Variants in BAZ2B observed in about 807,000 individuals in gnomAD.
BAZ2B encodes bromodomain adjacent to zinc finger domain 2B.
A neutral mutation model predicts 246.0 loss-of-function variants in BAZ2B; 91 were observed. The observed-to-expected ratio is 0.37, with a 90% CI of 0.31 to 0.44. The LOEUF (loss-of-function observed/expected upper bound fraction) is 0.44, where lower values mean the gene tolerates loss of function less well. Among genes scored for constraint, BAZ2B ranks in the 20% least tolerant of loss-of-function variants. The pLI, the probability that BAZ2B is intolerant of heterozygous loss-of-function variation, is 1.00. For synonymous variants in BAZ2B, 855 were observed against 860.0 expected (o/e 0.99, Z 0.10); for missense variants, 2,332 against 2,533.7 (o/e 0.92, Z 1.71).
the BAZ2B span, among the ~76,000 whole-genome samples, chr2:159,629,472 C>T: frequency 3.9e-5 from 6 of 152,258 alleles, no homozygotes; most frequent in Admixed American, 2.0e-4. Flanking sequence ...GGCACATATA[C>T]AACATGGAAT....
At chr2:159,686,809 A>G in the BAZ2B span, among the ~76,000 whole-genome samples, 306 of 152,182 alleles carry the variant, frequency 2.0e-3, no homozygotes, top group Non-Finnish European at 2.6e-3. Context: ...TTGGGAGGCC[A>G]AGGCGGACGG....
At chr2:159,488,516 A>T (rs1010844611) in intron 2 of BAZ2B, among the ~76,000 whole-genome samples, 1 of 152,202 alleles carries the variant, frequency 6.6e-6, no homozygotes, top group Non-Finnish European at 1.5e-5. Flanking sequence ...TACCCACAAC[A>T]TTTGAAAATA....
intron 14 of BAZ2B, among the ~76,000 whole-genome samples, chr2:159,405,368 C>T (rs920719675): frequency 6.6e-6 from 1 of 152,104 alleles, no homozygotes; most frequent in Non-Finnish European, 1.5e-5. Context: ...TGCGCCACCA[C>T]ACCCAGCTAA....
intron 1 of BAZ2B, among the ~76,000 whole-genome samples, chr2:159,565,774 T>C (rs1423230353): frequency 1.4e-5 from 1 of 70,122 alleles, no homozygotes; most frequent in African/African-American, 4.7e-5. Flanking sequence ...GAGACTCCCA[T>C]CTCAAAAAAA....
Position 159,324,647 on chromosome 2 carries a change from C to T in BAZ2B, c.6353+164G>A, listed in dbSNP as rs1049637619. Among the ~76,000 whole-genome samples the T allele has an allele frequency of 1.1e-3, 28 of 26,046 alleles. No individual in the cohort carries two copies. The highest frequency in any genetic ancestry group is 0.016 in the Middle Eastern group (1 of 64). 17.1% of individuals were successfully genotyped at this position (26,046 alleles called of 152,430 possible). A position where few individuals can be genotyped will look rare whatever the true frequency, so the allele number is the denominator to read the frequency against. Reference sequence around the variant, plus strand: ...AAATACACACACACACACACACACACACACACACACACACACACACACACA... The same window carrying T: ...AAATACACACACACACACACACACATACACACACACACACACACACACACA... On this transcript the variant is annotated intron_variant, in intron 36 of 36. Coordinates refer to ENST00000392783, the MANE Select transcript of BAZ2B (RefSeq NM_013450.4).
At chr2:159,430,814 G>A (rs760221649) in intron 10 of BAZ2B, 49 bp downstream of exon 10, 43 of 1,555,902 alleles carry the variant, frequency 2.8e-5, no homozygotes, top group Non-Finnish European at 3.5e-5. Flanking sequence ...AAAAATTCTT[G>A]CTATGGTTTG....
At chr2:159,711,252 C>T in the BAZ2B span, among the ~76,000 whole-genome samples, 1 of 152,164 alleles carries the variant, frequency 6.6e-6, no homozygotes, top group East Asian at 1.9e-4. Context: ...TTAATTTCCT[C>T]AAAAGTAATC....
chr2:159,564,948 G>A (rs1343115089), intron 1 of BAZ2B, among the ~76,000 whole-genome samples: 1 of 152,176 alleles, frequency 6.6e-6, no homozygotes, highest in African/African-American at 2.4e-5. Flanking sequence ...TTGGCTCACT[G>A]CAACCTTCAC....
intron 30 of BAZ2B, 132 bp from the exon 31 acceptor site, chr2:159,347,778 T>C: frequency 4.3e-6 from 3 of 705,458 alleles, no homozygotes; most frequent in Non-Finnish European, 6.9e-6. Context: ...TGCACTTGTG[T>C]ATGTACAGGC....
At chr2:159,442,780 T>G (rs1028217712) in intron 6 of BAZ2B, among the ~76,000 whole-genome samples, 3 of 152,202 alleles carry the variant, frequency 2.0e-5, no homozygotes, top group Non-Finnish European at 4.4e-5. Context: ...TGCATCTGGT[T>G]TACTTCACTT....
chr2:159,418,759 T>A (rs2150018752), intron 13 of BAZ2B, among the ~76,000 whole-genome samples: 1 of 152,316 alleles, frequency 6.6e-6, no homozygotes, highest in East Asian at 1.9e-4. Context: ...CACATGGATT[T>A]ACAGTCCTGT....
At chr2:159,658,956 A>G in the BAZ2B span, among the ~76,000 whole-genome samples, 2 of 152,152 alleles carry the variant, frequency 1.3e-5, no homozygotes, top group African/African-American at 4.8e-5. Context: ...GGCTGGCCTT[A>G]GCTGAAGATT....
At chr2:159,704,843 C>T in the BAZ2B span, among the ~76,000 whole-genome samples, 46 of 152,218 alleles carry the variant, frequency 3.0e-4, no homozygotes, top group African/African-American at 1.0e-3. Context: ...GCTGGGACTA[C>T]AGGTGCCCAC....
chr2:159,601,864 T>C (rs965151801), intron 1 of BAZ2B, among the ~76,000 whole-genome samples: 9 of 152,352 alleles, frequency 5.9e-5, no homozygotes, highest in African/African-American at 2.2e-4. Context: ...TGCCCAATGT[T>C]ACCAATACAT....
intron 2 of BAZ2B, among the ~76,000 whole-genome samples, chr2:159,529,530 T>G (rs1476220463): frequency 6.6e-6 from 1 of 152,148 alleles, no homozygotes; most frequent in Non-Finnish European, 1.5e-5. Flanking sequence ...CCTCACTTCC[T>G]TAAGATCTCT....
chr2:159,541,523 C>A (rs1006327582), intron 2 of BAZ2B, among the ~76,000 whole-genome samples: 1 of 152,098 alleles, frequency 6.6e-6, no homozygotes, highest in Non-Finnish European at 1.5e-5. Flanking sequence ...AGGCGATCTG[C>A]CCACCTCAGC....
intron 27 of BAZ2B, among the ~76,000 whole-genome samples, chr2:159,351,032 A>G (rs956684417): frequency 2.0e-5 from 3 of 152,182 alleles, no homozygotes; most frequent in Admixed American, 2.0e-4. Context: ...CATTGTGCAC[A>G]TGTACCCTAA....
In BAZ2B at chr2:159,433,360, G is replaced by C. The variant is rs1346402827; in HGVS notation, c.1297C>G (p.Gln433Glu). 15 of 1,597,160 alleles carry C rather than the reference G, an allele frequency of 9.4e-6. No homozygotes were observed. Among genetic ancestry groups the C allele is most frequent in the Non-Finnish European group, 1.2e-5 (14 of 1,172,034 alleles). Reference sequence around the variant, plus strand: ...TGTGATGGGAATGCCTGTTTATATTGTTCCTGTTGAAACATAAGTTAAAAA... The same window carrying C: ...TGTGATGGGAATGCCTGTTTATATTCTTCCTGTTGAAACATAAGTTAAAAA... Reference protein sequence around the residue: ...LTSELRSKREQYKQAFPSQLK... With the variant: ...LTSELRSKREEYKQAFPSQLK... Residue 433 changes from glutamine (Q) to glutamate (E), a missense_variant, in exon 9 of 37, where the codon CAA (glutamine) becomes GAA (glutamate). Physicochemically the swap from Gln to Glu is conservative, Grantham distance 29. Transcript: ENST00000392783.
intron 4 of BAZ2B, among the ~76,000 whole-genome samples, chr2:159,450,767 T>C (rs1398306677): frequency 2.0e-5 from 3 of 150,948 alleles, no homozygotes; most frequent in Admixed American, 6.6e-5. Flanking sequence ...TGAGACAGAA[T>C]TGTGCTCTGT....
Sources: gnomAD v4.1 joint callset for allele counts (sites outside exome capture counted in the v4.1 genomes callset) on GRCh38, gnomAD v4.1.1 for gene constraint, MANE v1.5 for transcripts, NCBI Gene and HGNC (gene_info 2026-07-23, HGNC 2026-07-21) for gene names.